THADA: variants seen among roughly 807,000 people sequenced by gnomAD.
THADA encodes THADA armadillo repeat containing.
A neutral mutation model predicts 219.8 loss-of-function variants in THADA; 213 were observed. The observed-to-expected ratio is 0.97, with a 90% CI of 0.87 to 1.09. The LOEUF is 1.09. THADA is among the 50% of genes least tolerant of loss of function. The pLI, the probability that THADA is intolerant of heterozygous loss-of-function variation, is 0.00. For synonymous variants in THADA, 1,018 were observed against 828.9 expected, an observed-to-expected ratio of 1.23 and a Z score of -3.92; for missense variants, 2,956 against 2,311.3, an observed-to-expected ratio of 1.28 and a Z score of -5.72.
At chr2:43,466,734 C>T (rs1399555395) in intron 26 of THADA, among the ~76,000 whole-genome samples, 1 of 152,090 alleles carries the variant, frequency 6.6e-6, no homozygotes, top group Non-Finnish European at 1.5e-5. Flanking sequence ...GCACAAAAAC[C>T]CTAAGAGATA....
intron 36 of THADA, among the ~76,000 whole-genome samples, chr2:43,268,954 C>T (rs1671832670): frequency 6.6e-6 from 1 of 152,206 alleles, no homozygotes; most frequent in South Asian, 2.1e-4. Context: ...GGGGGCCCAT[C>T]TTGCCACCCC....
At chr2:43,302,535 G>C (rs1267307305) in intron 31 of THADA, among the ~76,000 whole-genome samples, 3 of 151,660 alleles carry the variant, frequency 2.0e-5, no homozygotes, top group Admixed American at 6.6e-5. Flanking sequence ...TCACATGGAA[G>C]GACAATACCT....
At chr2:43,572,364 A>C (rs940170540) in intron 12 of THADA, among the ~76,000 whole-genome samples, 1 of 151,896 alleles carries the variant, frequency 6.6e-6, no homozygotes, top group African/African-American at 2.4e-5. Flanking sequence ...TGTCCAAAAC[A>C]CTCCACCCCT....
intron 34 of THADA, among the ~76,000 whole-genome samples, chr2:43,288,648 T>C (rs1674333406): frequency 1.3e-5 from 2 of 152,212 alleles, no homozygotes; most frequent in African/African-American, 4.8e-5. Flanking sequence ...GTACATCTTG[T>C]TCACCACCCA....
In THADA at chr2:43,485,300, A is replaced by T; in HGVS notation, c.3770T>A (p.Phe1257Tyr). Residue 1257 changes from phenylalanine to tyrosine, a missense_variant, in exon 26 of 38, where the codon TTT (phenylalanine) becomes TAT (tyrosine). Phe to Tyr is a conservative substitution (Grantham distance 22). Coordinates refer to ENST00000405975, the MANE Select transcript of THADA (RefSeq NM_022065.5). ...AAAAATTCTTGTGATCAAGGCACTAAAGAGAAGTGTGGATGAATTTCGCAC... is the reference window on the plus strand; with the variant it reads ...AAAAATTCTTGTGATCAAGGCACTATAGAGAAGTGTGGATGAATTTCGCAC... ...WAVRNSSTLL[F>Y]SALITRIFGV... 1 of 1,613,078 alleles carries T rather than the reference A, an allele frequency of 6.2e-7. No homozygotes were observed. Among genetic ancestry groups the T allele is most frequent in the Non-Finnish European group, 8.5e-7 (1 of 1,179,414 alleles).
intron 28 of THADA, among the ~76,000 whole-genome samples, chr2:43,414,165 C>T (rs1676656458): frequency 6.6e-6 from 1 of 152,062 alleles, no homozygotes; most frequent in African/African-American, 2.4e-5. Flanking sequence ...GGATGAGGTC[C>T]AACTGTATTT....
intron 36 of THADA, among the ~76,000 whole-genome samples, chr2:43,268,315 G>A (rs776053594): frequency 6.6e-6 from 1 of 152,058 alleles, no homozygotes; most frequent in Non-Finnish European, 1.5e-5. Context: ...TCCAAACTGG[G>A]GCTGTGTACT....
rs138597900 is a variant in THADA at position 43,558,135 on chromosome 2, G to A, written c.2464-1580C>T. Among the ~76,000 whole-genome samples the A allele has an allele frequency of 2.0e-3, 297 of 152,202 alleles. 3 individuals are homozygous for A. Among genetic ancestry groups the A allele is most frequent in the African/African-American group, 6.9e-3 (287 of 41,522 alleles). ...TTTGTTCCGTCATCTTAGGTCAATC[G>A]AAGTATAATATGACAAAAGACCTAG... On this transcript the variant is annotated intron_variant, in intron 16 of 37. Transcript: ENST00000405975.
chr2:43,413,376 G>C (rs1278430237), intron 28 of THADA, among the ~76,000 whole-genome samples: 1 of 152,162 alleles, frequency 6.6e-6, no homozygotes, highest in Non-Finnish European at 1.5e-5. Context: ...TGAATCGTAA[G>C]TCAGCAGTCT....
At chr2:43,541,389 C>G in intron 20 of THADA, 73 bp from the exon 21 acceptor site, 1 of 1,553,028 alleles carries the variant, frequency 6.4e-7, no homozygotes. Context: ...CAAGCTTATT[C>G]ATAATTTCCC....
Position 43,231,326 on chromosome 2 carries a change from C to A in THADA, c.5484G>T (p.Leu1828=). The A allele has an allele frequency of 6.4e-7, 1 of 1,551,550 alleles. No individual in the cohort carries two copies. ...ESMHQVEEDY[L]FEKAEVNFWA... ...AAAAGTTGACTTCTGCTTTTTCAAA[C>A]AGGTAGTCTTCTTCCACCTAAATCA... The change falls in exon 38 of 38, where the codon CTG becomes CTT. Residue 1828 remains leucine, a synonymous_variant. Transcript: ENST00000405975.
chr2:43,580,245 T>C (rs189422648), intron 8 of THADA, among the ~76,000 whole-genome samples: 148 of 152,076 alleles, frequency 9.7e-4, no homozygotes, highest in Non-Finnish European at 1.8e-3. Context: ...TTCATCATGT[T>C]GGCCAGAATG....
intron 35 of THADA, among the ~76,000 whole-genome samples, chr2:43,284,334 CTG>C (rs1389631233): frequency 6.6e-6 from 1 of 152,202 alleles, no homozygotes; most frequent in African/African-American, 2.4e-5. Context: ...CCCAGCTGCT[CTG>C]TGCAGCCTCA....
chr2:43,425,470 G>GTT (rs1243311248), intron 28 of THADA, among the ~76,000 whole-genome samples: 3 of 151,448 alleles, frequency 2.0e-5, no homozygotes, highest in African/African-American at 7.3e-5. Context: ...GTGTGTGTGT[G>GTT]TGTGTGTGTG....
intron 28 of THADA, among the ~76,000 whole-genome samples, chr2:43,412,178 C>T (rs977876630): frequency 3.3e-5 from 5 of 152,054 alleles, no homozygotes; most frequent in African/African-American, 9.7e-5. Context: ...TCTTTATTTC[C>T]GTTTGAGTTC....
At chr2:43,465,575 G>C (rs1435546329) in intron 26 of THADA, among the ~76,000 whole-genome samples, 1 of 152,182 alleles carries the variant, frequency 6.6e-6, no homozygotes, top group East Asian at 1.9e-4. Flanking sequence ...ATCTTGAAAA[G>C]AGCAAGCCTG....
At chr2:43,437,992 G>A (rs987624144) in intron 26 of THADA, among the ~76,000 whole-genome samples, 4 of 152,100 alleles carry the variant, frequency 2.6e-5, no homozygotes, top group Non-Finnish European at 5.9e-5. Flanking sequence ...AGAAACAGTA[G>A]AAAGGATGCT....
At chr2:43,572,391 A>G (rs1699395387) in intron 12 of THADA, among the ~76,000 whole-genome samples, 1 of 152,180 alleles carries the variant, frequency 6.6e-6, no homozygotes, top group Admixed American at 6.6e-5. Context: ...CAATGTTCTT[A>G]ATCATCCTCC....
At chr2:43,570,313 A>G (rs1296181842) in intron 14 of THADA, 75 bp downstream of exon 14, 4 of 1,380,998 alleles carry the variant, frequency 2.9e-6, no homozygotes, top group Non-Finnish European at 2.9e-6. Flanking sequence ...ACTTCCATTT[A>G]TTTCCCTTTA....
Sources: gnomAD v4.1 joint callset for allele counts (sites outside exome capture counted in the v4.1 genomes callset) on GRCh38, gnomAD v4.1.1 for gene constraint, MANE v1.5 for transcripts, NCBI Gene and HGNC (gene_info 2026-07-23, HGNC 2026-07-21) for gene names.